PRR3: variants seen among roughly 807,000 people sequenced by gnomAD.
PRR3 encodes the protein proline-rich protein 3.
PRR3 carries 16 observed loss-of-function variants against 22.4 expected under a neutral mutation model. The ratio of observed to expected loss-of-function variants is 0.71; its 90% CI spans 0.48 to 1.09. The LOEUF is 1.09. Ranked by LOEUF, PRR3 falls within the 50% of genes least tolerant of loss-of-function variation. The probability of loss-of-function intolerance (pLI) is 0.00; values close to 1 mark genes in which losing one functional copy is unlikely to be tolerated. For synonymous variants in PRR3, 87 were observed against 88.6 expected, an observed-to-expected ratio of 0.98 and a Z score of 0.10; for missense variants, 224 against 243.4, an observed-to-expected ratio of 0.92 and a Z score of 0.53.
In PRR3 at chr6:30,557,355, G is replaced by C; in HGVS notation, c.11G>C (p.Arg4Pro). The C allele has an allele frequency of 1.2e-6, 2 of 1,612,434 alleles. No individual in the cohort carries two copies. The highest frequency in any genetic ancestry group is 8.5e-7 in the Non-Finnish European group (1 of 1,179,834). MPK[R>P]KKQNHHQPPT... Reference sequence around the variant, plus strand: ...ATTGCCGCAGACACGATGCCGAAACGAAAGAAGCAGAATCATCACCAGCCA... The same window carrying C: ...ATTGCCGCAGACACGATGCCGAAACCAAAGAAGCAGAATCATCACCAGCCA... Residue 4 changes from arginine to proline, a missense_variant, in exon 1 of 4, where the codon CGA (arginine) becomes CCA (proline). Arg to Pro is a moderately radical substitution (Grantham distance 103, BLOSUM62 -2). Coordinates refer to ENST00000376560, the MANE Select transcript of PRR3 (RefSeq NM_025263.4).
At position 30,563,517 on chromosome 6, in the gene PRR3, C is replaced by T. The variant is rs191608562; in HGVS notation, c.*1022C>T. ...GCCCTCTTCCAATCCTCTTCCCCTACATCCCTGGCACTGGTTGTTTTCTGT... is the reference window on the plus strand; with the variant it reads ...GCCCTCTTCCAATCCTCTTCCCCTATATCCCTGGCACTGGTTGTTTTCTGT... On this transcript the variant is annotated 3_prime_UTR_variant, in exon 4 of 4. Transcript: ENST00000376560. 1.3e-5 allele frequency: 2 copies of T among 152,740 alleles called. No individual in the cohort carries two copies. The highest frequency in any genetic ancestry group is 2.4e-5 in the African/African-American group (1 of 41,568). The allele number at this position is 152,740 out of a possible 1,614,324, so 9.5% of individuals were successfully genotyped here. A position where few individuals can be genotyped will look rare whatever the true frequency, so the allele number is the denominator to read the frequency against.
upstream of PRR3, chr6:30,556,878 AG>A (rs1462364285): frequency 1.7e-6 from 1 of 596,692 alleles, no homozygotes; most frequent in Non-Finnish European, 3.0e-6. This position sits in a 1 kb window ranked among gnomAD's most constrained non-coding sequence, Gnocchi z 5.7. Context: ...AAAGCGGGCG[AG>A]AAGGGAAACC....
chr6:30,559,706 G>A (rs1427924713), intron 2 of PRR3, among the ~76,000 whole-genome samples: 1 of 151,570 alleles, frequency 6.6e-6, no homozygotes, highest in African/African-American at 2.4e-5. Context: ...AACTACTATA[G>A]AAAACAATAT....
chr6:30,561,197 T>G lies in PRR3; in HGVS notation c.170-637T>G, dbSNP rs1800605140. 3.1e-6 allele frequency: 1 copy of G among 325,802 alleles called. No homozygotes were observed. Among genetic ancestry groups the G allele is most frequent in the South Asian group, 2.4e-5 (1 of 41,798 alleles). The allele number at this position is 325,802 out of a possible 1,614,324, so 20.2% of individuals were successfully genotyped here. A position where few individuals can be genotyped will look rare whatever the true frequency, so the allele number is the denominator to read the frequency against. ...ACTGTGAAAAAAAAGTTTGGCATTA[T>G]GTATGAAACTTGAGCATAACATATA... is the stretch of plus-strand genomic sequence containing the variant. On this transcript the variant is annotated intron_variant, in intron 2 of 3. Coordinates refer to ENST00000376560, the MANE Select transcript of PRR3 (RefSeq NM_025263.4). This position sits in a 1 kb window ranked among gnomAD's most constrained non-coding sequence, Gnocchi z 4.0.
intron 2 of PRR3, among the ~76,000 whole-genome samples, chr6:30,558,898 CTCATAA>C (rs1419890367): frequency 1.3e-5 from 2 of 152,214 alleles, no homozygotes; most frequent in South Asian, 4.1e-4. Flanking sequence ...TCACCTTGCA[CTCATAA>C]TCATATACAA....
At position 30,562,822 on chromosome 6, in the gene PRR3, T is replaced by C. The variant is rs1026450205; in HGVS notation, c.*327T>C. ...TCTTTGGTGCTGTTTCTTGTGCATC[T>C]GTCCACCTGTTCCCCAGTATTGCCC... On this transcript the variant is annotated 3_prime_UTR_variant, in exon 4 of 4. Coordinates refer to ENST00000376560, the MANE Select transcript of PRR3 (RefSeq NM_025263.4). The C allele has an allele frequency of 3.0e-4, 71 of 234,106 alleles. No individual in the cohort carries two copies. The highest frequency in any genetic ancestry group is 1.4e-3 in the Middle Eastern group (1 of 700). The allele number at this position is 234,106 out of a possible 1,614,324, so 14.5% of individuals were successfully genotyped here. A position where few individuals can be genotyped will look rare whatever the true frequency, so the allele number is the denominator to read the frequency against.
chr6:30,558,015 C>T, intron 1 of PRR3, 135 bp from the exon 2 acceptor site: 1 of 742,316 alleles, frequency 1.3e-6, no homozygotes, highest in South Asian at 1.8e-5. Context: ...GGGGTGAGAA[C>T]TCCCAAGACT....
chr6:30,558,637 G>A (rs1352948190), intron 2 of PRR3, among the ~76,000 whole-genome samples: 1 of 151,926 alleles, frequency 6.6e-6, no homozygotes, highest in Non-Finnish European at 1.5e-5. Flanking sequence ...GGCCACTCTG[G>A]GCAACATAGT....
chr6:30,556,875 G>A (rs1800250865), upstream of PRR3: 14 of 594,882 alleles, frequency 2.4e-5, no homozygotes, highest in South Asian at 2.2e-4. This position sits in a 1 kb window ranked among gnomAD's most constrained non-coding sequence, Gnocchi z 5.7. Context: ...GCAAAAGCGG[G>A]CGAGAAGGGA....
Position 30,561,748 on chromosome 6 carries a change from TAAAA to T in PRR3, c.170-81_170-78del, listed in dbSNP as rs1371823678. ...TGTCTTTATGTATGCTGTTCTTCAA[TAAAA>T]AAAATTTTTTTAATCACGGTTTATC... On this transcript the variant is annotated intron_variant, in intron 2 of 3. Transcript: ENST00000376560. The surrounding 1 kb of genome is among the most constrained non-coding windows in gnomAD (Gnocchi z 4.0). 5 of 1,330,600 alleles carry T rather than the reference TAAAA, an allele frequency of 3.8e-6. No individual in the cohort carries two copies. Among genetic ancestry groups the T allele is most frequent in the Non-Finnish European group, 5.0e-6 (5 of 996,864 alleles). 82.4% of individuals were successfully genotyped at this position (1,330,600 alleles called of 1,614,324 possible).
Position 30,562,068 on chromosome 6 carries a change from G to C in PRR3, c.404G>C (p.Ser135Thr). The C allele has an allele frequency of 6.2e-7, 1 of 1,611,680 alleles. No homozygotes were observed. The highest frequency in any genetic ancestry group is 1.1e-5 in the South Asian group (1 of 90,970). Residue 135 changes from serine (S) to threonine (T), a missense_variant, in exon 3 of 4, where the codon AGC (serine) becomes ACC (threonine). Coordinates refer to ENST00000376560, the MANE Select transcript of PRR3 (RefSeq NM_025263.4). ...CAGAGAAACCCTCGAAGGCTCAAAA[G>C]CTGGTCTCTTATCAAGAATACCTGC... ...KEQRNPRRLK[S>T]WSLIKNTCPP...
At position 30,561,799 on chromosome 6, in the gene PRR3, C is replaced by T. The variant is rs1800647754; in HGVS notation, c.170-35C>T. 5.4e-6 allele frequency: 8 copies of T among 1,488,962 alleles called. No homozygotes were observed. Among genetic ancestry groups the T allele is most frequent in the Admixed American group, 2.6e-5 (1 of 38,754 alleles). The allele number at this position is 1,488,962 out of a possible 1,614,324, so 92.2% of individuals were successfully genotyped here. A position where few individuals can be genotyped will look rare whatever the true frequency, so the allele number is the denominator to read the frequency against. On this transcript the variant is annotated intron_variant, in intron 2 of 3. Transcript: ENST00000376560. This position sits in a 1 kb window ranked among gnomAD's most constrained non-coding sequence, Gnocchi z 4.0. Reference sequence around the variant, plus strand: ...TATCAGGATTCAGCTGCCCATTAGACACCTTTCTGTGTCTCTCTCTCTCTC... The same window carrying T: ...TATCAGGATTCAGCTGCCCATTAGATACCTTTCTGTGTCTCTCTCTCTCTC...
upstream of PRR3, chr6:30,557,012 C>A: frequency 2.9e-6 from 2 of 686,192 alleles, no homozygotes; most frequent in East Asian, 2.7e-5. Flanking sequence ...TTCTCAGGCC[C>A]TCTGGCCCGA....
upstream of PRR3, chr6:30,557,242 T>G: frequency 1.1e-6 from 1 of 884,384 alleles, no homozygotes; most frequent in Non-Finnish European, 1.8e-6. Flanking sequence ...GGCGGGAGCC[T>G]CAGCATTGCT....
chr6:30,559,375 A>C (rs924499318), intron 2 of PRR3, among the ~76,000 whole-genome samples: 4 of 152,128 alleles, frequency 2.6e-5, no homozygotes, highest in Admixed American at 1.3e-4. Context: ...AGACTGTCTC[A>C]AAAAAAAGAA....
intron 2 of PRR3, chr6:30,558,420 A>C (rs771399170): frequency 7.0e-6 from 4 of 571,968 alleles, no homozygotes; most frequent in Non-Finnish European, 9.5e-6. Flanking sequence ...CATGCATTCC[A>C]AGTCAGAACA....
upstream of PRR3, chr6:30,557,159 G>A (rs1230346958): frequency 7.1e-6 from 5 of 703,940 alleles, no homozygotes; most frequent in African/African-American, 1.7e-5. Context: ...ATGCCTGGCA[G>A]AGACGGAGGG....
At position 30,562,093 on chromosome 6, in the gene PRR3, C is replaced by T; in HGVS notation, c.429C>T (p.Cys143=). 6.2e-7 allele frequency: 1 copy of T among 1,603,194 alleles called. No homozygotes were observed. The highest frequency in any genetic ancestry group is 8.5e-7 in the Non-Finnish European group (1 of 1,175,100). ...GCTGGTCTCTTATCAAGAATACCTG[C>T]CCGCCCAAGGATGACCCCCAGGTTA... ...LKSWSLIKNT[C]PPKDDPQVME... is the part of the protein sequence containing the mutation. The change falls in exon 3 of 4, where the codon TGC becomes TGT. Residue 143 remains cysteine (C), a synonymous_variant. Coordinates refer to ENST00000376560, the MANE Select transcript of PRR3 (RefSeq NM_025263.4).
chr6:30,563,549 A>G lies in PRR3; in HGVS notation c.*1054A>G, dbSNP rs1187506054. On this transcript the variant is annotated 3_prime_UTR_variant, in exon 4 of 4. Coordinates refer to ENST00000376560, the MANE Select transcript of PRR3 (RefSeq NM_025263.4). ...GGCACTGGTTGTTTTCTGTGAAAAC[A>G]GCAGTGAACAGGTTCAGTTTTGAAC... 2 of 152,570 alleles carry G rather than the reference A, an allele frequency of 1.3e-5. No homozygotes were observed. The highest frequency in any genetic ancestry group is 2.4e-5 in the African/African-American group (1 of 41,410). The allele number at this position is 152,570 out of a possible 1,614,324, so 9.5% of individuals were successfully genotyped here. A position where few individuals can be genotyped will look rare whatever the true frequency, so the allele number is the denominator to read the frequency against.
Sources: gnomAD v4.1 joint callset for allele counts (sites outside exome capture counted in the v4.1 genomes callset) on GRCh38, gnomAD v4.1.1 for gene constraint, Gnocchi (gnomAD v3.1) non-coding constraint, MANE v1.5 for transcripts, NCBI Gene and HGNC (gene_info 2026-07-23, HGNC 2026-07-21) for gene names.